The following MACROH2A1 variants were observed in gnomAD, a reference collection of about 807,000 sequenced individuals.
The protein encoded by MACROH2A1 is core histone macro-H2A.1.
A neutral mutation model predicts 31.6 loss-of-function variants in MACROH2A1; 2 were observed. The observed-to-expected ratio is 0.06, with a 90% CI of 0.03 to 0.20. The LOEUF (loss-of-function observed/expected upper bound fraction) is 0.20. Ranked by LOEUF, MACROH2A1 falls within the 10% of genes least tolerant of loss-of-function variation. MACROH2A1 has a pLI of 1.00. For synonymous variants in MACROH2A1, 169 were observed against 189.6 expected (o/e 0.89, Z 0.89); for missense variants, 230 against 474.0 (o/e 0.49, Z 4.78).
At chr5:135,372,109 A>T (rs2149856391) in intron 2 of MACROH2A1, among the ~76,000 whole-genome samples, 1 of 152,302 alleles carries the variant, frequency 6.6e-6, no homozygotes, top group African/African-American at 2.4e-5. Flanking sequence ...CAAGGCAGGA[A>T]TTCCTTTGCT....
intron 5 of MACROH2A1, chr5:135,358,838 T>C (rs1297034733): frequency 6.1e-6 from 6 of 985,078 alleles, no homozygotes; most frequent in African/African-American, 1.7e-5. Context: ...ATTCGTGTGA[T>C]GCCTGGCCCT....
chr5:135,363,131 G>A (rs1468983466), intron 4 of MACROH2A1, among the ~76,000 whole-genome samples: 2 of 151,972 alleles, frequency 1.3e-5, no homozygotes, highest in Non-Finnish European at 1.5e-5. Context: ...ACACTTTGTG[G>A]GGGGCCAAGG....
At chr5:135,355,232 G>A (rs1433548033) in intron 5 of MACROH2A1, 2 of 455,940 alleles carry the variant, frequency 4.4e-6, no homozygotes, top group African/African-American at 2.0e-5. Flanking sequence ...TGAAGGAAGG[G>A]AGCAGTTGCG....
intron 2 of MACROH2A1, among the ~76,000 whole-genome samples, chr5:135,379,200 T>C (rs938027009): frequency 1.4e-4 from 21 of 152,056 alleles, no homozygotes; most frequent in African/African-American, 4.8e-4. Flanking sequence ...AATCCCAGAG[T>C]GTCCCCTGTA....
chr5:135,378,335 C>T (rs1765184355), intron 2 of MACROH2A1, among the ~76,000 whole-genome samples: 1 of 152,260 alleles, frequency 6.6e-6, no homozygotes, highest in South Asian at 2.1e-4. Flanking sequence ...GGGGACTTCG[C>T]CCCTCCTGTG....
intron 4 of MACROH2A1, among the ~76,000 whole-genome samples, chr5:135,363,357 T>C (rs1763090797): frequency 2.0e-5 from 3 of 152,206 alleles, no homozygotes; most frequent in Admixed American, 6.5e-5. Flanking sequence ...CCCTTCAAGG[T>C]ACCCACCCAA....
intron 4 of MACROH2A1, among the ~76,000 whole-genome samples, chr5:135,366,344 A>G (rs1044384678): frequency 2.6e-5 from 4 of 152,228 alleles, no homozygotes; most frequent in African/African-American, 9.6e-5. Context: ...AGGACTGCCC[A>G]GAATATGACA....
intron 1 of MACROH2A1, among the ~76,000 whole-genome samples, chr5:135,396,996 G>A (rs1041160788): frequency 2.0e-5 from 3 of 152,066 alleles, no homozygotes; most frequent in African/African-American, 7.2e-5. Flanking sequence ...AATCACTCCT[G>A]CCCCTTCCCA....
intron 2 of MACROH2A1, among the ~76,000 whole-genome samples, chr5:135,387,966 G>A (rs755111734): frequency 1.3e-5 from 2 of 151,404 alleles, no homozygotes; most frequent in Non-Finnish European, 2.9e-5. Context: ...TCAAATTTGA[G>A]GTGATGTGAC....
intron 1 of MACROH2A1, among the ~76,000 whole-genome samples, chr5:135,390,499 C>T (rs372177169): frequency 4.7e-4 from 72 of 152,288 alleles, no homozygotes; most frequent in African/African-American, 1.6e-3. Flanking sequence ...AAAAGATAAA[C>T]GTAATGCATG....
intron 7 of MACROH2A1, 23 bp downstream of exon 7, chr5:135,345,945 G>A (rs1190598900): frequency 6.6e-7 from 1 of 1,511,294 alleles, no homozygotes; most frequent in Admixed American, 1.7e-5. Context: ...AACCAGATAA[G>A]CACGGTGGCT....
chr5:135,355,531 C>T (rs1424521278), intron 5 of MACROH2A1: 2 of 262,908 alleles, frequency 7.6e-6, no homozygotes, highest in Non-Finnish European at 1.5e-5. Flanking sequence ...AAAATGTGTA[C>T]AAATATGTAT....
chr5:135,383,704 T>G (rs1000397782), intron 2 of MACROH2A1, among the ~76,000 whole-genome samples: 43 of 97,758 alleles, frequency 4.4e-4, no homozygotes, highest in African/African-American at 2.7e-3. Flanking sequence ...TGGTGTGGTG[T>G]GTGTGTGTGT....
At chr5:135,375,145 A>T (rs1474800153) in intron 2 of MACROH2A1, among the ~76,000 whole-genome samples, 1 of 152,232 alleles carries the variant, frequency 6.6e-6, no homozygotes, top group Non-Finnish European at 1.5e-5. Context: ...TTCAAAACAC[A>T]TAAGCCTCTG....
chr5:135,343,545 A>C, intron 7 of MACROH2A1, 111 bp from the exon 8 acceptor site: 3 of 1,499,944 alleles, frequency 2.0e-6, no homozygotes, highest in Non-Finnish European at 2.7e-6. Context: ...GGGCCCTCCA[A>C]TGCCCTGTGT....
Position 135,398,376 on chromosome 5 carries a change from TCCTA to T in MACROH2A1, c.-34+682_-34+685del, listed in dbSNP as rs1768319208. 6.6e-6 allele frequency among the ~76,000 whole-genome samples: 1 copy of T among 151,948 alleles called. No individual in the cohort carries two copies. ...TTACCTTTTAAAAAAAGCAAACCCT[TCCTA>T]CCACAAAGCAAACAAAAGGCTGATA... is the stretch of plus-strand genomic sequence containing the variant. On this transcript the variant is annotated intron_variant, in intron 1 of 8. Coordinates refer to ENST00000511689, the MANE Select transcript of MACROH2A1 (RefSeq NM_138610.3). The surrounding 1 kb of genome is among the most constrained non-coding windows in gnomAD (Gnocchi z 4.6).
At position 135,369,216 on chromosome 5, in the gene MACROH2A1, G is replaced by A. The variant is rs1015518607; in HGVS notation, c.477+190C>T. Among the ~76,000 whole-genome samples, 1 of 152,216 alleles carries A rather than the reference G, an allele frequency of 6.6e-6. No individual in the cohort carries two copies. The highest frequency in any genetic ancestry group is 1.5e-5 in the Non-Finnish European group (1 of 68,046). On this transcript the variant is annotated intron_variant, in intron 4 of 8. Transcript: ENST00000511689. This position sits in a 1 kb window ranked among gnomAD's most constrained non-coding sequence, Gnocchi z 4.3. ...TCCTTCAACTGGGTCCAGACTCTGGGAGGGCCTCCTGACTCTGGCTACTTG... is the reference window on the plus strand; with the variant it reads ...TCCTTCAACTGGGTCCAGACTCTGGAAGGGCCTCCTGACTCTGGCTACTTG...
At chr5:135,393,412 T>C (rs1767528524) in intron 1 of MACROH2A1, among the ~76,000 whole-genome samples, 1 of 152,218 alleles carries the variant, frequency 6.6e-6, no homozygotes, top group Non-Finnish European at 1.5e-5. Context: ...CTCTGTCACA[T>C]GATAAACCAA....
intron 2 of MACROH2A1, among the ~76,000 whole-genome samples, chr5:135,384,940 A>G (rs1250121135): frequency 1.3e-5 from 2 of 152,188 alleles, no homozygotes; most frequent in East Asian, 3.9e-4. Flanking sequence ...AGTGGACCCC[A>G]AGTGGTCCCC....
Sources: allele counts gnomAD v4.1 joint callset (sites outside exome capture counted in the v4.1 genomes callset), GRCh38; gene constraint gnomAD v4.1.1; non-coding constraint Gnocchi (gnomAD v3.1); transcripts MANE v1.5; gene names NCBI Gene and HGNC (gene_info 2026-07-23, HGNC 2026-07-21).